NCOR2: variants seen among roughly 807,000 people sequenced by gnomAD.
The protein encoded by NCOR2 is nuclear receptor corepressor 2.
In NCOR2, 81 loss-of-function variants were observed where a neutral mutation model predicts 262.9. The ratio of observed to expected loss-of-function variants is 0.31; its 90% confidence interval spans 0.26 to 0.37. The LOEUF (loss-of-function observed/expected upper bound fraction) is 0.37. NCOR2 is among the 10% of genes least tolerant of loss of function. NCOR2 has a pLI of 1.00. For missense variants in NCOR2, 3,385 were observed against 3,621.4 expected (o/e 0.93, Z 1.68); for synonymous variants, 1,659 against 1,559.3 (o/e 1.06, Z -1.51).
intron 16 of NCOR2, among the ~76,000 whole-genome samples, chr12:124,395,767 T>A (rs201543862): frequency 6.6e-6 from 1 of 151,844 alleles, no homozygotes; most frequent in Non-Finnish European, 1.5e-5. Flanking sequence ...GGAGAGGCGG[T>A]GGGACCCTGG....
chr12:124,459,700 G>C (rs1380821945), intron 5 of NCOR2, among the ~76,000 whole-genome samples: 1 of 152,212 alleles, frequency 6.6e-6, no homozygotes, highest in Non-Finnish European at 1.5e-5. Context: ...ATGCAGAGGA[G>C]ATACCCTCTA....
In NCOR2 at chr12:124,457,895, C is replaced by G. The variant is rs547303108; in HGVS notation, c.706-733G>C. ...CCACCAGGGTCCACTCACAGGAGGC[C>G]TGGAGGGCAGCCCAGGCCAGCCGGG... On this transcript the variant is annotated intron_variant, in intron 5 of 46. Coordinates refer to ENST00000405201, the Ensembl canonical transcript of NCOR2. This position sits in a 1 kb window ranked among gnomAD's most constrained non-coding sequence, Gnocchi z 4.0. Among the ~76,000 whole-genome samples, 1 of 152,298 alleles carries G rather than the reference C, an allele frequency of 6.6e-6. No homozygotes were observed. Among genetic ancestry groups the G allele is most frequent in the African/African-American group, 2.4e-5 (1 of 41,572 alleles).
At chr12:124,332,790 C>G (rs570200193) in intron 42 of NCOR2, among the ~76,000 whole-genome samples, 1 of 152,122 alleles carries the variant, frequency 6.6e-6, no homozygotes, top group Non-Finnish European at 1.5e-5. Flanking sequence ...GGGCAGCGGG[C>G]CCAGCTTCCT....
intron 20 of NCOR2, among the ~76,000 whole-genome samples, chr12:124,364,551 C>T (rs11057595): frequency 0.074 from 11,195 of 152,276 alleles, 587 homozygotes; most frequent in South Asian, 0.15. Flanking sequence ...CTGAGATGCG[C>T]GACCAGAGGC....
intron 16 of NCOR2, among the ~76,000 whole-genome samples, chr12:124,396,419 T>C (rs2041660216): frequency 6.6e-6 from 1 of 152,192 alleles, no homozygotes; most frequent in Admixed American, 6.5e-5. Context: ...CAGCCTATAA[T>C]GAAATACATG....
Position 124,368,724 on chromosome 12 carries a change from G to A in NCOR2, c.2807+3298C>T, listed in dbSNP as rs112288633. ...TGTCACCTCCCCAGAGGCCCTCCCT[G>A]CCTGACCAGCCCACTCTCCCCTGCT... is the stretch of plus-strand genomic sequence containing the variant. On this transcript the variant is annotated intron_variant, in intron 20 of 46. Coordinates refer to ENST00000405201, the Ensembl canonical transcript of NCOR2. Among the ~76,000 whole-genome samples the A allele has an allele frequency of 5.9e-5, 9 of 152,258 alleles. 1 individual carries two copies. The highest frequency in any genetic ancestry group is 1.9e-4 in the African/African-American group (8 of 41,550).
intron 16 of NCOR2, among the ~76,000 whole-genome samples, chr12:124,395,786 T>A (rs1417813018): frequency 6.6e-6 from 1 of 151,582 alleles, no homozygotes; most frequent in Non-Finnish European, 1.5e-5. Flanking sequence ...GGGCTGACCG[T>A]TTGGGGATGT....
chr12:124,379,002 C>T (rs112634030), intron 17 of NCOR2, among the ~76,000 whole-genome samples: 1,894 of 152,370 alleles, frequency 0.012, 18 homozygotes, highest in Non-Finnish European at 0.02. Context: ...CAGAGGGTCG[C>T]GTGGGTGAAA....
In NCOR2 at chr12:124,429,497, TG is replaced by T. The variant is rs367949986; in HGVS notation, c.1149+115del. 1.7e-5 allele frequency: 19 copies of T among 1,118,928 alleles called. No individual in the cohort carries two copies. The African/African-American group carries it at 1.7e-4, about 10-fold the overall frequency. The allele number at this position is 1,118,928 out of a possible 1,614,324, so 69.3% of individuals were successfully genotyped here. A position where few individuals can be genotyped will look rare whatever the true frequency, so the allele number is the denominator to read the frequency against. The stretch of plus-strand genomic sequence containing the variant: ...CACCTTGATTCCACCCGCGCTTCGG[TG>T]GCAAAGCCCCTCGACGTAAACCACC... On this transcript the variant is annotated intron_variant, in intron 10 of 46. Coordinates refer to ENST00000405201, the Ensembl canonical transcript of NCOR2.
At chr12:124,435,390 G>A (rs1200135344) in intron 8 of NCOR2, among the ~76,000 whole-genome samples, 3 of 152,226 alleles carry the variant, frequency 2.0e-5, no homozygotes, top group African/African-American at 7.2e-5. Flanking sequence ...TCCAGTCAAG[G>A]TGGGGGATCT....
At chr12:124,555,888 A>G (rs1207175509) in intron 1 of NCOR2, 4 of 152,374 alleles carry the variant, frequency 2.6e-5, no homozygotes, top group African/African-American at 9.6e-5. Flanking sequence ...CCACACGGCA[A>G]ACTGAAAACA....
In NCOR2 at chr12:124,389,405, C is replaced by T. The variant is rs1357608417; in HGVS notation, c.1877-3518G>A. On this transcript the variant is annotated intron_variant, in intron 16 of 46. Coordinates refer to ENST00000405201, the Ensembl canonical transcript of NCOR2. The surrounding 1 kb of genome is among the most constrained non-coding windows in gnomAD (Gnocchi z 4.4). ...GGCAGAGGCCCAGGTTCACAAGGGG[C>T]GGGCCAACTTGGCACTGGCTCCCCC... 1.3e-5 allele frequency among the ~76,000 whole-genome samples: 2 copies of T among 152,214 alleles called. No individual in the cohort carries two copies. The highest frequency in any genetic ancestry group is 2.1e-4 in the South Asian group (1 of 4,836).
intron 7 of NCOR2, among the ~76,000 whole-genome samples, chr12:124,449,252 G>T (rs1313867816): frequency 1.3e-5 from 2 of 152,088 alleles, no homozygotes; most frequent in South Asian, 4.1e-4. Context: ...TCCTAGCACC[G>T]GTCTGGGAAA....
chr12:124,398,297 G>A (rs576226175), intron 15 of NCOR2, 116 bp from the exon 18 acceptor site: 14 of 1,123,416 alleles, frequency 1.2e-5, no homozygotes, highest in East Asian at 1.2e-4. Context: ...CGGTGTCACC[G>A]CACGGCTCTG....
At chr12:124,428,086 T>TGTGTGTGTGCGCGC (rs958627720) in intron 10 of NCOR2, among the ~76,000 whole-genome samples, 1 of 147,054 alleles carries the variant, frequency 6.8e-6, no homozygotes, top group Non-Finnish European at 1.5e-5. Context: ...TGTGTGTGTG[T>TGTGTGTGTGCGCGC]GTACATGCAA....
chr12:124,355,224 T>C lies in NCOR2; in HGVS notation c.3381+208A>G, dbSNP rs957825741. On this transcript the variant is annotated intron_variant, in intron 24 of 46. Transcript: ENST00000405201. Reference sequence around the variant, plus strand: ...GCCACACAGCCTGGTTCCTGAGCCATGCCCTTGACTGCAATACAGAGTGAC... The same window carrying C: ...GCCACACAGCCTGGTTCCTGAGCCACGCCCTTGACTGCAATACAGAGTGAC... 1.9e-4 allele frequency: 125 copies of C among 641,502 alleles called. No individual in the cohort carries two copies. The East Asian group carries it at 3.4e-3, about 17-fold the overall frequency. The allele number at this position is 641,502 out of a possible 1,614,324, so 39.7% of individuals were successfully genotyped here.
At chr12:124,453,086 A>G (rs2045644936) in intron 6 of NCOR2, among the ~76,000 whole-genome samples, 1 of 152,156 alleles carries the variant, frequency 6.6e-6, no homozygotes, top group African/African-American at 2.4e-5. Context: ...GGAGGGAGGG[A>G]CAGTGACATG....
intron 3 of NCOR2, among the ~76,000 whole-genome samples, chr12:124,476,991 G>C (rs1429581928): frequency 1.3e-5 from 2 of 151,610 alleles, no homozygotes; most frequent in Non-Finnish European, 2.9e-5. Context: ...GAAGTGGACA[G>C]ACATAAAAGG....
intron 18 of NCOR2, among the ~76,000 whole-genome samples, chr12:124,377,786 C>T (rs980761499): frequency 6.6e-6 from 1 of 151,764 alleles, no homozygotes; most frequent in Non-Finnish European, 1.5e-5. Context: ...TTACACTGGG[C>T]CGTGATCACG....
Sources: allele counts gnomAD v4.1 joint callset (sites outside exome capture counted in the v4.1 genomes callset), GRCh38; gene constraint gnomAD v4.1.1; non-coding constraint Gnocchi (gnomAD v3.1); transcripts MANE v1.5; gene names NCBI Gene and HGNC (gene_info 2026-07-23, HGNC 2026-07-21).